GCNT1: variants seen among roughly 807,000 people sequenced by gnomAD.
GCNT1 encodes glucosaminyl (N-acetyl) transferase 1.
GCNT1 carries 16 observed loss-of-function variants against 26.2 expected under a neutral mutation model. The ratio of observed to expected loss-of-function variants is 0.61; its 90% confidence interval spans 0.41 to 0.93. GCNT1 has a LOEUF of 0.93. Among genes scored for constraint, GCNT1 ranks in the 40% least tolerant of loss-of-function variants. The pLI is 0.00. For synonymous variants in GCNT1, 183 were observed against 190.8 expected (o/e 0.96, Z 0.34); for missense variants, 477 against 526.7 (o/e 0.91, Z 0.92).
At chr9:76,409,017 A>G in the GCNT1 span, among the ~76,000 whole-genome samples, 1 of 152,154 alleles carries the variant, frequency 6.6e-6, no homozygotes, top group Non-Finnish European at 1.5e-5. Flanking sequence ...GAAAGAGATT[A>G]TAGAAAATTA....
At chr9:76,499,387 C>A (rs1293723915) in intron 2 of GCNT1, among the ~76,000 whole-genome samples, 1 of 152,158 alleles carries the variant, frequency 6.6e-6, no homozygotes, top group Admixed American at 6.6e-5. Flanking sequence ...CTCAGCTTCC[C>A]AAAGTGCTGG....
chr9:76,453,815 A>C (rs1011001408), intron 1 of GCNT1, among the ~76,000 whole-genome samples: 12 of 152,160 alleles, frequency 7.9e-5, no homozygotes, highest in Non-Finnish European at 1.6e-4. Flanking sequence ...TGAACATGGC[A>C]CCTTTACCTG....
chr9:76,487,125 C>A (rs557410628), intron 2 of GCNT1, among the ~76,000 whole-genome samples: 39 of 152,204 alleles, frequency 2.6e-4, no homozygotes, highest in African/African-American at 8.9e-4. Flanking sequence ...GGACAGAGAC[C>A]AAATACCCTA....
intron 1 of GCNT1, among the ~76,000 whole-genome samples, chr9:76,436,378 A>G (rs1389061121): frequency 1.3e-5 from 2 of 151,900 alleles, no homozygotes; most frequent in East Asian, 3.9e-4. Flanking sequence ...ACTTGAGGTC[A>G]GGAGTTCAAG....
At chr9:76,448,034 C>G (rs1024123496) in intron 1 of GCNT1, among the ~76,000 whole-genome samples, 1 of 152,196 alleles carries the variant, frequency 6.6e-6, no homozygotes, top group African/African-American at 2.4e-5. Context: ...TTTGAGAAGC[C>G]TGGAGAGCCT....
At chr9:76,396,307 G>A in the GCNT1 span, among the ~76,000 whole-genome samples, 1 of 152,182 alleles carries the variant, frequency 6.6e-6, no homozygotes, top group South Asian at 2.1e-4. Context: ...GTATAAAAAT[G>A]GGCGGGGCAT....
intron 2 of GCNT1, among the ~76,000 whole-genome samples, chr9:76,478,455 C>T (rs1178832216): frequency 6.6e-6 from 1 of 152,148 alleles, no homozygotes; most frequent in East Asian, 1.9e-4. Context: ...ATCTGAACAT[C>T]TGAAGGAACA....
Position 76,492,705 on chromosome 9 carries a change from A to ATG in GCNT1, c.-289-8211_-289-8210insTG, listed in dbSNP as rs1470262742. Among the ~76,000 whole-genome samples, 102 of 151,214 alleles carry ATG rather than the reference A, an allele frequency of 6.7e-4. 3 individuals carry two copies. In the East Asian group the frequency reaches 0.019, roughly 28 times the overall value. On this transcript the variant is annotated intron_variant, in intron 2 of 3. Coordinates refer to ENST00000376730, the MANE Select transcript of GCNT1 (RefSeq NM_001490.5). Reference sequence around the variant, plus strand: ...GAGGGGGCAGCTTGTTTCTCGTTGGACAATCTTTTTTAAAGTATTTCTGCA... The same window carrying ATG: ...GAGGGGGCAGCTTGTTTCTCGTTGGATGCAATCTTTTTTAAAGTATTTCTGCA...
chr9:76,415,667 A>G (rs114687490), upstream of GCNT1, among the ~76,000 whole-genome samples: 2,125 of 152,338 alleles, frequency 0.014, 44 homozygotes, highest in African/African-American at 0.049. Flanking sequence ...TTGTTTTAAC[A>G]AAGCATCAAT....
Position 76,502,804 on chromosome 9 carries a change from G to A in GCNT1, c.423G>A (p.Arg141=). The change falls in exon 4 of 4, where the codon AGG becomes AGA. Residue 141 remains arginine (R), a synonymous_variant. Transcript: ENST00000376730. Reference sequence around the variant, plus strand: ...TTGAAATGCTTGACAGGCTGCTGAGGGCCATCTATATGCCTCAGAATTTCT... The same window carrying A: ...TTGAAATGCTTGACAGGCTGCTGAGAGCCATCTATATGCCTCAGAATTTCT... ...HKIEMLDRLL[R]AIYMPQNFYC... is the part of the protein sequence containing the mutation. 1 of 1,614,078 alleles carries A rather than the reference G, an allele frequency of 6.2e-7. No individual in the cohort carries two copies. Among genetic ancestry groups the A allele is most frequent in the Non-Finnish European group, 8.5e-7 (1 of 1,179,988 alleles).
At chr9:76,399,073 T>C in the GCNT1 span, 22 of 1,596,304 alleles carry the variant, frequency 1.4e-5, no homozygotes, top group East Asian at 2.0e-4. Context: ...TTGTGGTTAC[T>C]GACCCCAGGG....
At chr9:76,471,218 GT>G (rs1382087931) in intron 2 of GCNT1, among the ~76,000 whole-genome samples, 1 of 152,166 alleles carries the variant, frequency 6.6e-6, no homozygotes, top group Non-Finnish European at 1.5e-5. Context: ...TAGAGACGGG[GT>G]TTCACCACGT....
chr9:76,428,703 T>C (rs910884706), intron 1 of GCNT1, among the ~76,000 whole-genome samples: 1 of 150,388 alleles, frequency 6.6e-6, no homozygotes, highest in Non-Finnish European at 1.5e-5. Flanking sequence ...TATTCTATTT[T>C]TTTTTTTTTT....
chr9:76,406,410 T>C, the GCNT1 span, among the ~76,000 whole-genome samples: 8,959 of 148,302 alleles, frequency 0.06, 372 homozygotes, highest in Non-Finnish European at 0.09. Context: ...GGTAGAAAGA[T>C]CACTTGAGCC....
chr9:76,452,400 T>C (rs1823684605), intron 1 of GCNT1, among the ~76,000 whole-genome samples: 1 of 152,198 alleles, frequency 6.6e-6, no homozygotes, highest in South Asian at 2.1e-4. Flanking sequence ...TTAGAAATGA[T>C]CTAGGTACTT....
intron 2 of GCNT1, among the ~76,000 whole-genome samples, chr9:76,468,342 C>T (rs942515884): frequency 6.6e-6 from 1 of 152,104 alleles, no homozygotes; most frequent in Non-Finnish European, 1.5e-5. Context: ...AGAGTGTCAT[C>T]GAGTTGTTTA....
intron 2 of GCNT1, among the ~76,000 whole-genome samples, chr9:76,478,619 A>G (rs763026798): frequency 6.6e-6 from 1 of 152,240 alleles, no homozygotes; most frequent in Non-Finnish European, 1.5e-5. Flanking sequence ...TTGAGTTAGC[A>G]TAATGCCTTC....
chr9:76,428,165 C>A (rs1564220462), intron 1 of GCNT1, among the ~76,000 whole-genome samples: 1 of 148,722 alleles, frequency 6.7e-6, no homozygotes, highest in African/African-American at 2.5e-5. Flanking sequence ...ACTCAGGAGG[C>A]TGAGGCAGGA....
the GCNT1 span, among the ~76,000 whole-genome samples, chr9:76,403,523 G>A: frequency 6.6e-6 from 1 of 152,174 alleles, no homozygotes; most frequent in Non-Finnish European, 1.5e-5. Flanking sequence ...TAGAACTGCG[G>A]TGACACATGA....
Sources: gnomAD v4.1 joint callset for allele counts (sites outside exome capture counted in the v4.1 genomes callset) on GRCh38, gnomAD v4.1.1 for gene constraint, MANE v1.5 for transcripts, NCBI Gene and HGNC (gene_info 2026-07-23, HGNC 2026-07-21) for gene names.